CFTR: variants seen among roughly 807,000 people sequenced by gnomAD.
CFTR encodes CF transmembrane conductance regulator.
A neutral mutation model predicts 171.6 loss-of-function variants in CFTR; 181 were observed. The observed-to-expected ratio is 1.05, with a 90% confidence interval of 0.93 to 1.19. The LOEUF (loss-of-function observed/expected upper bound fraction) is 1.19, where lower values mean the gene tolerates loss of function less well. CFTR is among the 50% of genes most tolerant of loss of function. The probability of loss-of-function intolerance (pLI) is 0.00; values close to 1 mark genes in which losing one functional copy is unlikely to be tolerated. For missense variants in CFTR, 1,968 were observed against 1,734.7 expected, an observed-to-expected ratio of 1.13 and a Z score of -2.39; for synonymous variants, 583 against 608.0, an observed-to-expected ratio of 0.96 and a Z score of 0.60.
chr7:117,545,932 C>A (rs577251646), intron 9 of CFTR, among the ~76,000 whole-genome samples: 1 of 151,990 alleles, frequency 6.6e-6, no homozygotes, highest in African/African-American at 2.4e-5. Context: ...GATCCTCCTG[C>A]CTTAGCCTAC....
At chr7:117,546,876 C>A (rs1330915835) in intron 9 of CFTR, among the ~76,000 whole-genome samples, 1 of 152,172 alleles carries the variant, frequency 6.6e-6, no homozygotes, top group Non-Finnish European at 1.5e-5. Flanking sequence ...ATCCTACTTA[C>A]ATCCTTCATA....
intron 24 of CFTR, among the ~76,000 whole-genome samples, chr7:117,664,281 T>C (rs1043429888): frequency 7.2e-5 from 11 of 152,214 alleles, no homozygotes; most frequent in Admixed American, 5.9e-4. Flanking sequence ...TAAGATGTCA[T>C]ACTAGAGGGC....
intron 21 of CFTR, among the ~76,000 whole-genome samples, chr7:117,627,141 T>C (rs527293273): frequency 6.6e-6 from 1 of 152,220 alleles, no homozygotes; most frequent in East Asian, 1.9e-4. Flanking sequence ...AGAAGAATCT[T>C]CAGTAGTGGT....
intron 17 of CFTR, among the ~76,000 whole-genome samples, chr7:117,604,018 T>G (rs1290221502): frequency 6.6e-6 from 1 of 152,232 alleles, no homozygotes; most frequent in Non-Finnish European, 1.5e-5. Context: ...GTGATGTTGG[T>G]GGGACTGTAG....
intron 11 of CFTR, among the ~76,000 whole-genome samples, chr7:117,568,735 A>G (rs1248741948): frequency 3.3e-5 from 5 of 152,174 alleles, no homozygotes; most frequent in Non-Finnish European, 7.3e-5. Flanking sequence ...CATAATTAAC[A>G]TTTTGTGTGT....
chr7:117,612,100 G>A (rs988437626), intron 20 of CFTR, among the ~76,000 whole-genome samples: 7 of 113,702 alleles, frequency 6.2e-5, no homozygotes, highest in African/African-American at 2.4e-4. Context: ...TTTAAAAACC[G>A]ATGCACACAG....
chr7:117,597,351 A>T (rs1397185262), intron 15 of CFTR, among the ~76,000 whole-genome samples: 1 of 152,216 alleles, frequency 6.6e-6, no homozygotes, highest in Non-Finnish European at 1.5e-5. Context: ...TCATTCTCGA[A>T]GTCAGTGAGA....
intron 3 of CFTR, among the ~76,000 whole-genome samples, chr7:117,516,710 G>C (rs1042035240): frequency 6.6e-6 from 1 of 151,818 alleles, no homozygotes. Context: ...TATTTATGGG[G>C]TACATGTGAT....
Position 117,611,565 on chromosome 7 carries a change from T to C in CFTR, c.3140-16T>C. The C allele has an allele frequency of 1.4e-6, 2 of 1,442,832 alleles. No homozygotes were observed. The highest frequency in any genetic ancestry group is 2.0e-6 in the Non-Finnish European group (2 of 1,024,946). The allele number at this position is 1,442,832 out of a possible 1,614,324, so 89.4% of individuals were successfully genotyped here. A position where few individuals can be genotyped will look rare whatever the true frequency, so the allele number is the denominator to read the frequency against. ...TTTATGTTATTTGCAATGTTTTCTA[T>C]GGAAATATTTCACAGGCAGGAGTCC... On this transcript the variant is annotated splice_polypyrimidine_tract_variant and intron_variant, in intron 19 of 26. Transcript: ENST00000003084.
At chr7:117,542,143 C>T in intron 9 of CFTR, 35 bp downstream of exon 9, 1 of 984,282 alleles carries the variant, frequency 1.0e-6, no homozygotes, top group Non-Finnish European at 1.6e-6. Context: ...GCTCTAAACA[C>T]CTAACTGTTT....
chr7:117,514,787 C>T lies in CFTR; in HGVS notation c.273+5645C>T, dbSNP rs952304216. On this transcript the variant is annotated intron_variant, in intron 3 of 26. Transcript: ENST00000003084. Reference sequence around the variant, plus strand: ...TACACTCCCACTAACAGTGTAAAAGCGTTCCTATTTCTCCACAGCCTCACC... The same window carrying T: ...TACACTCCCACTAACAGTGTAAAAGTGTTCCTATTTCTCCACAGCCTCACC... Among the ~76,000 whole-genome samples, 10 of 152,120 alleles carry T rather than the reference C, an allele frequency of 6.6e-5. No individual in the cohort carries two copies. In the South Asian group the frequency reaches 1.0e-3, roughly 16 times the overall value.
At chr7:117,584,193 ATT>A (rs1791894999) in intron 11 of CFTR, among the ~76,000 whole-genome samples, 1 of 151,760 alleles carries the variant, frequency 6.6e-6, no homozygotes, top group South Asian at 2.1e-4. Flanking sequence ...CCATCTATTT[ATT>A]TTTGTTTCTG....
chr7:117,627,528 T>C lies in CFTR; in HGVS notation c.3475T>C (p.Ser1159Pro), dbSNP rs397508572. ...SSIDVDSLMR[S>P]VSRVFKFIDM... Reference sequence around the variant, plus strand: ...GTTGTTATTTTTATTTCAGATGCGATCTGTGAGCCGAGTCTTTAAGTTCAT... The same window carrying C: ...GTTGTTATTTTTATTTCAGATGCGACCTGTGAGCCGAGTCTTTAAGTTCAT... The change falls in exon 22 of 27, where the codon TCT (serine) becomes CCT (proline). Residue 1159 changes from serine (S) to proline (P), a missense_variant. Coordinates refer to ENST00000003084, the MANE Select transcript of CFTR (RefSeq NM_000492.4). 3 of 1,613,186 alleles carry C rather than the reference T, an allele frequency of 1.9e-6. No individual in the cohort carries two copies. The highest frequency in any genetic ancestry group is 2.5e-6 in the Non-Finnish European group (3 of 1,179,360).
In CFTR at chr7:117,637,404, G is replaced by A. The variant is rs534062341; in HGVS notation, c.3718-5034G>A. On this transcript the variant is annotated intron_variant, in intron 22 of 26. Transcript: ENST00000003084. Reference sequence around the variant, plus strand: ...TTTTAGTCTTTTAGTGAGCCTGTGCGCCTGCAGCTTGGAAGCACTTGTGAA... The same window carrying A: ...TTTTAGTCTTTTAGTGAGCCTGTGCACCTGCAGCTTGGAAGCACTTGTGAA... Among the ~76,000 whole-genome samples, 25 of 152,212 alleles carry A rather than the reference G, an allele frequency of 1.6e-4. No homozygotes were observed. The highest frequency in any genetic ancestry group is 5.8e-4 in the African/African-American group (24 of 41,534).
At chr7:117,561,819 A>G (rs1791501419) in intron 11 of CFTR, among the ~76,000 whole-genome samples, 1 of 152,060 alleles carries the variant, frequency 6.6e-6, no homozygotes, top group South Asian at 2.1e-4. Flanking sequence ...GGTAGCATGG[A>G]CTCTATCTGG....
Position 117,603,591 on chromosome 7 carries a change from T to G in CFTR, c.2717T>G (p.Ile906Ser). The G allele has an allele frequency of 6.2e-7, 1 of 1,613,984 alleles. No homozygotes were observed. Among genetic ancestry groups the G allele is most frequent in the African/African-American group, 1.3e-5 (1 of 75,048 alleles). Residue 906 changes from isoleucine (I) to serine (S), a missense_variant, in exon 17 of 27, where the codon ATT becomes AGT. Ile to Ser is a moderately radical substitution (Grantham distance 142). Coordinates refer to ENST00000003084, the MANE Select transcript of CFTR (RefSeq NM_000492.4). ...THSRNNSYAV[I>S]ITSTSSYYVF... ...AGTAGAAATAACAGCTATGCAGTGA[T>G]TATCACCAGCACCAGTTCGTATTAT...
chr7:117,493,873 T>C (rs1798199395), intron 1 of CFTR, among the ~76,000 whole-genome samples: 1 of 152,052 alleles, frequency 6.6e-6, no homozygotes, highest in Non-Finnish European at 1.5e-5. Context: ...CTGAATCCAA[T>C]GCCATGATGT....
At chr7:117,528,059 C>T (rs1219260006) in intron 3 of CFTR, among the ~76,000 whole-genome samples, 2 of 137,302 alleles carry the variant, frequency 1.5e-5, no homozygotes, top group African/African-American at 5.3e-5. Context: ...ATCGCCAAGT[C>T]AATCGTAAGC....
intron 3 of CFTR, among the ~76,000 whole-genome samples, chr7:117,530,135 C>G (rs963912143): frequency 6.6e-6 from 1 of 152,052 alleles, no homozygotes; most frequent in African/African-American, 2.4e-5. Context: ...ACATAACTTC[C>G]GCTCTCTCTC....
Sources: gnomAD v4.1 joint callset for allele counts (sites outside exome capture counted in the v4.1 genomes callset) on GRCh38, gnomAD v4.1.1 for gene constraint, MANE v1.5 for transcripts, NCBI Gene and HGNC (gene_info 2026-07-23, HGNC 2026-07-21) for gene names.